STXBP5L: variants seen among roughly 807,000 people sequenced by gnomAD.
STXBP5L encodes the protein syntaxin-binding protein 5-like.
Under a neutral mutation model 144.5 loss-of-function variants are expected in STXBP5L, and 65 were observed. The observed-to-expected ratio is 0.45, with a 90% CI of 0.37 to 0.55. STXBP5L has a LOEUF of 0.55. Ranked by LOEUF, STXBP5L falls within the 20% of genes least tolerant of loss-of-function variation. The pLI is 0.00. For synonymous variants in STXBP5L, 505 were observed against 469.6 expected, an observed-to-expected ratio of 1.08 and a Z score of -0.97; for missense variants, 1,298 against 1,405.5, an observed-to-expected ratio of 0.92 and a Z score of 1.22.
chr3:121,392,891 A>C (rs949736114), intron 22 of STXBP5L, among the ~76,000 whole-genome samples: 2 of 150,914 alleles, frequency 1.3e-5, no homozygotes, highest in Non-Finnish European at 3.0e-5. Context: ...TGCAATAAAC[A>C]TACACGTGCT....
chr3:121,090,186 C>T (rs1214120900), intron 5 of STXBP5L, among the ~76,000 whole-genome samples: 1 of 152,032 alleles, frequency 6.6e-6, no homozygotes, highest in East Asian at 1.9e-4. Flanking sequence ...TATTTAAACC[C>T]CTTTTTTAGG....
Position 121,419,111 on chromosome 3 carries a change from T to C in STXBP5L, c.*14T>C, listed in dbSNP as rs2047307178. 1 of 1,608,676 alleles carries C rather than the reference T, an allele frequency of 6.2e-7. No homozygotes were observed. Among genetic ancestry groups the C allele is most frequent in the African/African-American group, 1.3e-5 (1 of 74,532 alleles). ...TACCAATTCTGACTTCTAAAGAAGC[T>C]GTGACTGCTTTGAGAAACCATATTC... is the stretch of plus-strand genomic sequence containing the variant. On this transcript the variant is annotated 3_prime_UTR_variant, in exon 27 of 27. Coordinates refer to ENST00000471454, the MANE Select transcript of STXBP5L (RefSeq NM_001308330.2).
intron 3 of STXBP5L, among the ~76,000 whole-genome samples, chr3:121,025,868 T>C (rs570106189): frequency 6.8e-6 from 1 of 146,998 alleles, no homozygotes; most frequent in South Asian, 2.1e-4. Flanking sequence ...CATTAAATTA[T>C]ATTATAATTA....
chr3:120,989,959 A>G (rs2462025), intron 3 of STXBP5L, among the ~76,000 whole-genome samples: 146,441 of 152,096 alleles, frequency 0.96, 70,551 homozygotes, highest in African/African-American at 0.99. Flanking sequence ...TCTGGCCAGG[A>G]CAATCAGGCA....
At chr3:121,000,502 T>C (rs1323212232) in intron 3 of STXBP5L, among the ~76,000 whole-genome samples, 1 of 152,198 alleles carries the variant, frequency 6.6e-6, no homozygotes, top group Non-Finnish European at 1.5e-5. Context: ...ATCTTTCTGC[T>C]CTTGAATTGT....
chr3:121,360,537 T>C (rs2045681235), intron 20 of STXBP5L, among the ~76,000 whole-genome samples: 1 of 152,114 alleles, frequency 6.6e-6, no homozygotes, highest in South Asian at 2.1e-4. Context: ...TTTCGTTTCC[T>C]GCTTTTTATT....
chr3:121,106,688 G>A (rs2043728991), intron 5 of STXBP5L, among the ~76,000 whole-genome samples: 1 of 152,122 alleles, frequency 6.6e-6, no homozygotes, highest in Non-Finnish European at 1.5e-5. Context: ...ATAATGAATA[G>A]TGCTGTAATG....
chr3:121,415,890 A>G lies in STXBP5L; in HGVS notation c.3148A>G (p.Thr1050Ala). ...AGGAGATTTGTTTACTCCCATAGAG[A>G]CACCAGAAGCTCAAAACAGAGGCTT... ...MLGDLFTPIE[T>A]PEAQNRGFLK... Residue 1050 changes from threonine (T) to alanine (A), a missense_variant, in exon 25 of 27, where the codon ACA becomes GCA. Thr to Ala is a moderately conservative substitution (Grantham distance 58). Transcript: ENST00000471454. 1 of 1,613,452 alleles carries G rather than the reference A, an allele frequency of 6.2e-7. No homozygotes were observed. Among genetic ancestry groups the G allele is most frequent in the Non-Finnish European group, 8.5e-7 (1 of 1,179,592 alleles).
chr3:120,956,577 T>C (rs1049150533), intron 3 of STXBP5L, among the ~76,000 whole-genome samples: 1 of 151,986 alleles, frequency 6.6e-6, no homozygotes, highest in African/African-American at 2.4e-5. Context: ...TGTTCGTTAA[T>C]TTATGGGCAC....
chr3:121,010,438 G>GT (rs547846209), intron 3 of STXBP5L, among the ~76,000 whole-genome samples: 38 of 151,146 alleles, frequency 2.5e-4, no homozygotes, highest in African/African-American at 4.9e-4. Context: ...CCAGAATTCT[G>GT]TTTTTTTTCT....
chr3:120,930,758 A>C (rs1185957208), intron 2 of STXBP5L, among the ~76,000 whole-genome samples: 2 of 152,164 alleles, frequency 1.3e-5, no homozygotes, highest in Non-Finnish European at 2.9e-5. Context: ...TGAATGTGGT[A>C]TTCCTTTGTC....
chr3:121,063,423 G>T (rs2041382184), intron 5 of STXBP5L, among the ~76,000 whole-genome samples: 1 of 152,148 alleles, frequency 6.6e-6, no homozygotes, highest in South Asian at 2.1e-4. Flanking sequence ...CCTGTATGAG[G>T]TATCTGTCAA....
chr3:121,386,686 A>G (rs1035929764), intron 22 of STXBP5L, among the ~76,000 whole-genome samples: 34 of 152,266 alleles, frequency 2.2e-4, no homozygotes, highest in Non-Finnish European at 4.4e-4. Flanking sequence ...TAGTTTGCTG[A>G]GAATGATGGT....
chr3:120,926,431 C>G (rs1029455346), intron 2 of STXBP5L, among the ~76,000 whole-genome samples: 5 of 150,660 alleles, frequency 3.3e-5, no homozygotes, highest in African/African-American at 1.2e-4. Context: ...TGGATTAAAC[C>G]TCCTTTTTAT....
intron 20 of STXBP5L, among the ~76,000 whole-genome samples, chr3:121,346,847 T>C (rs925680805): frequency 1.3e-5 from 2 of 152,222 alleles, no homozygotes; most frequent in Non-Finnish European, 2.9e-5. Context: ...AGATTCTGGA[T>C]ATTAGCCCTT....
At chr3:121,322,890 G>A (rs944963273) in intron 20 of STXBP5L, among the ~76,000 whole-genome samples, 8 of 152,078 alleles carry the variant, frequency 5.3e-5, no homozygotes, top group African/African-American at 1.9e-4. Flanking sequence ...CAGCTATTCT[G>A]ACTGGTTTAA....
chr3:121,162,230 C>T (rs78118379), intron 9 of STXBP5L, among the ~76,000 whole-genome samples: 14 of 152,160 alleles, frequency 9.2e-5, no homozygotes, highest in African/African-American at 2.4e-4. Flanking sequence ...GGTATGAAGA[C>T]GTTGATTTCC....
intron 7 of STXBP5L, among the ~76,000 whole-genome samples, chr3:121,148,747 A>T (rs948583865): frequency 1.3e-5 from 2 of 152,114 alleles, no homozygotes; most frequent in Non-Finnish European, 2.9e-5. Flanking sequence ...AAACATACTA[A>T]TATCCTATGG....
intron 9 of STXBP5L, among the ~76,000 whole-genome samples, chr3:121,189,979 A>G (rs949866105): frequency 1.3e-5 from 2 of 152,140 alleles, no homozygotes; most frequent in Non-Finnish European, 2.9e-5. Flanking sequence ...ATCTTTAAGC[A>G]TCTTGGCATT....
Sources: gnomAD v4.1 joint callset for allele counts (sites outside exome capture counted in the v4.1 genomes callset) on GRCh38, gnomAD v4.1.1 for gene constraint, MANE v1.5 for transcripts, NCBI Gene and HGNC (gene_info 2026-07-23, HGNC 2026-07-21) for gene names.